The following DCDC2C variants were observed in gnomAD, a reference collection of about 807,000 sequenced individuals.
The protein encoded by DCDC2C is doublecortin domain-containing protein 2C.
In DCDC2C, 44 loss-of-function variants were observed where a neutral mutation model predicts 45.0. The observed-to-expected ratio is 0.98, with a 90% CI of 0.77 to 1.26. The LOEUF (loss-of-function observed/expected upper bound fraction) is 1.26, where lower values mean the gene tolerates loss of function less well. Ranked by LOEUF, DCDC2C falls within the 50% of genes most tolerant of loss-of-function variation. The probability of loss-of-function intolerance (pLI) is 0.00; values close to 1 mark genes in which losing one functional copy is unlikely to be tolerated. For synonymous variants in DCDC2C, 187 were observed against 178.8 expected (o/e 1.05, Z -0.37); for missense variants, 447 against 468.9 (o/e 0.95, Z 0.43).
Position 3,847,145 on chromosome 2 carries a change from G to A in DCDC2C, c.1066-9G>A, listed in dbSNP as rs1210596335. ...GTTCTCTGTTAACCTGCTTTTCTAT[G>A]TCTTCCAGATGGCCCGGGAGTGGAA... On this transcript the variant is annotated splice_polypyrimidine_tract_variant and intron_variant, in intron 10 of 10. Coordinates refer to ENST00000399143, the MANE Select transcript of DCDC2C (RefSeq NM_001287444.2). 8.1e-7 allele frequency: 1 copy of A among 1,231,310 alleles called. No homozygotes were observed. 76.3% of individuals were successfully genotyped at this position (1,231,310 alleles called of 1,614,324 possible).
chr2:3,804,405 A>T (rs574560879), intron 10 of DCDC2C, among the ~76,000 whole-genome samples: 16 of 152,210 alleles, frequency 1.1e-4, no homozygotes, highest in Admixed American at 2.0e-4. Flanking sequence ...TCCTGCTTTT[A>T]ATTTCCTAGT....
intron 2 of DCDC2C, chr2:3,726,044 G>T: frequency 6.5e-6 from 1 of 154,622 alleles, no homozygotes; most frequent in Non-Finnish European, 1.4e-5. Context: ...GATGTGGGGG[G>T]TGGGGGTGTG....
chr2:3,799,244 G>A (rs937091138), intron 10 of DCDC2C, among the ~76,000 whole-genome samples: 19 of 151,992 alleles, frequency 1.3e-4, no homozygotes, highest in African/African-American at 3.9e-4. Context: ...GCACTTCTCT[G>A]TATTGGTTAT....
chr2:3,784,036 AAAG>A (rs1234598769), intron 9 of DCDC2C, among the ~76,000 whole-genome samples: 2 of 152,260 alleles, frequency 1.3e-5, no homozygotes, highest in Non-Finnish European at 2.9e-5. Context: ...GGAAATTCAC[AAAG>A]AAGAATACAA....
chr2:3,806,361 C>T lies in DCDC2C; in HGVS notation c.1065+21261C>T, dbSNP rs568401592. Among the ~76,000 whole-genome samples, 4 of 152,324 alleles carry T rather than the reference C, an allele frequency of 2.6e-5. No individual in the cohort carries two copies. In the South Asian group the frequency reaches 6.2e-4, roughly 24 times the overall value. On this transcript the variant is annotated intron_variant, in intron 10 of 10. Coordinates refer to ENST00000399143, the MANE Select transcript of DCDC2C (RefSeq NM_001287444.2). ...TGTGCTTCTATCAGCTTCCCTCACC[C>T]GTTTCTGACAGGTGACTTCTGTTCT... is the stretch of plus-strand genomic sequence containing the variant.
rs1669223320 is a variant in DCDC2C at position 3,741,938 on chromosome 2, ATTAT to A, written c.441_444del (p.Ile148HisfsTer29). 3.2e-6 allele frequency: 5 copies of A among 1,548,336 alleles called. No individual in the cohort carries two copies. In the South Asian group the frequency reaches 3.6e-5, roughly 11 times the overall value. ...CTTACAGTGTTTTTACAAATGGAAG[ATTAT>A]TTATTCCACCTGCAAAAATCATTAT... On this transcript the variant is annotated frameshift_variant, in exon 4 of 11. Transcript: ENST00000399143. LOFTEE classifies it high-confidence loss of function.
At chr2:3,836,861 C>A (rs78617313) in intron 10 of DCDC2C, among the ~76,000 whole-genome samples, 507 of 136,274 alleles carry the variant, frequency 3.7e-3, no homozygotes, top group Non-Finnish European at 4.2e-3. Context: ...GACTCCGTCT[C>A]AAAAAAAAAA....
At position 3,725,368 on chromosome 2, in the gene DCDC2C, G is replaced by A. The variant is rs75553411; in HGVS notation, c.340-1635G>A. On this transcript the variant is annotated intron_variant, in intron 2 of 10. Transcript: ENST00000399143. The stretch of plus-strand genomic sequence containing the variant: ...GCACATGGACTGGCTGGGGACCAGG[G>A]TGGCTGAAGGAGCATAACATGGAGG... 3.4e-5 allele frequency among the ~76,000 whole-genome samples: 5 copies of A among 147,952 alleles called. No individual in the cohort carries two copies. The East Asian group carries it at 7.8e-4, about 23-fold the overall frequency.
chr2:3,843,053 G>T (rs1413707916), intron 10 of DCDC2C, among the ~76,000 whole-genome samples: 3 of 152,224 alleles, frequency 2.0e-5, no homozygotes, highest in African/African-American at 7.2e-5. Flanking sequence ...TATCCTGTAG[G>T]TAATGCTAAA....
At chr2:3,747,626 G>A (rs781054966) in intron 4 of DCDC2C, among the ~76,000 whole-genome samples, 3 of 152,244 alleles carry the variant, frequency 2.0e-5, no homozygotes, top group Admixed American at 1.3e-4. Flanking sequence ...CACTGGACAC[G>A]TTGGGTGTGG....
intron 1 of DCDC2C, among the ~76,000 whole-genome samples, chr2:3,706,173 A>T (rs1668060346): frequency 6.6e-6 from 1 of 152,208 alleles, no homozygotes; most frequent in Non-Finnish European, 1.5e-5. Context: ...AGTTCAATTA[A>T]TTTTCACTGG....
chr2:3,825,196 G>A (rs988700689), intron 10 of DCDC2C, among the ~76,000 whole-genome samples: 101 of 152,130 alleles, frequency 6.6e-4, no homozygotes, highest in African/African-American at 2.3e-3. Context: ...GAAGTCTGCA[G>A]AAAATACCCT....
chr2:3,709,530 A>G (rs1476432713), intron 2 of DCDC2C, among the ~76,000 whole-genome samples: 1 of 152,208 alleles, frequency 6.6e-6, no homozygotes, highest in Non-Finnish European at 1.5e-5. Flanking sequence ...GGGCAGTTAA[A>G]ATAAGTCAAA....
chr2:3,753,879 G>T (rs779226753), intron 5 of DCDC2C, among the ~76,000 whole-genome samples: 1 of 152,170 alleles, frequency 6.6e-6, no homozygotes, highest in African/African-American at 2.4e-5. Flanking sequence ...CAGGCAGATG[G>T]TTAGGTTAGA....
intron 4 of DCDC2C, among the ~76,000 whole-genome samples, chr2:3,751,198 G>T (rs1258761297): frequency 1.3e-5 from 2 of 152,236 alleles, no homozygotes; most frequent in Non-Finnish European, 2.9e-5. Flanking sequence ...CCCGGGAGCA[G>T]TTGCTTTGGG....
At chr2:3,753,410 G>A (rs926854399) in intron 5 of DCDC2C, among the ~76,000 whole-genome samples, 2 of 152,196 alleles carry the variant, frequency 1.3e-5, no homozygotes, top group African/African-American at 4.8e-5. Context: ...CAGGAGGGAG[G>A]TGAAGGGTGC....
chr2:3,703,851 G>C lies in DCDC2C; in HGVS notation c.100G>C (p.Val34Leu). 7.8e-7 allele frequency: 1 copy of C among 1,284,256 alleles called. No individual in the cohort carries two copies. Among genetic ancestry groups the C allele is most frequent in the Non-Finnish European group, 9.9e-7 (1 of 1,011,190 alleles). 79.6% of individuals were successfully genotyped at this position (1,284,256 alleles called of 1,614,324 possible). Reference sequence around the variant, plus strand: ...CCCGTTCTACGTGGGCAAGAAGTTCGTGCTGTCGCGGCGCCGCGCGGCCAC... The same window carrying C: ...CCCGTTCTACGTGGGCAAGAAGTTCCTGCTGTCGCGGCGCCGCGCGGCCAC... ...GDPFYVGKKF[V>L]LSRRRAATFE... The change falls in exon 1 of 11, where the codon GTG becomes CTG. Residue 34 changes from valine (V) to leucine (L), a missense_variant. Coordinates refer to ENST00000399143, the MANE Select transcript of DCDC2C (RefSeq NM_001287444.2). The surrounding 1 kb of genome is among the most constrained non-coding windows in gnomAD (Gnocchi z 4.4).
rs573390865 is a variant in DCDC2C at position 3,725,810 on chromosome 2, T to C, written c.340-1193T>C. ...CCGGAGGGAGATGAGTAGAGAGTGA[T>C]AAGGCTGCTCGGTGGATCCCAGAGG... On this transcript the variant is annotated intron_variant, in intron 2 of 10. Coordinates refer to ENST00000399143, the MANE Select transcript of DCDC2C (RefSeq NM_001287444.2). 2.5e-3 allele frequency: 375 copies of C among 147,226 alleles called. 6 individuals are homozygous for C. The highest frequency in any genetic ancestry group is 3.4e-3 in the Non-Finnish European group (250 of 72,876). The allele number at this position is 147,226 out of a possible 1,614,324, so 9.1% of individuals were successfully genotyped here. A position where few individuals can be genotyped will look rare whatever the true frequency, so the allele number is the denominator to read the frequency against.
chr2:3,827,612 T>C (rs1477570759), intron 10 of DCDC2C, among the ~76,000 whole-genome samples: 2 of 152,226 alleles, frequency 1.3e-5, no homozygotes, highest in Admixed American at 1.3e-4. Context: ...TGGGGAAATA[T>C]ACTTTCCATT....
Sources: gnomAD v4.1 joint callset for allele counts (sites outside exome capture counted in the v4.1 genomes callset) on GRCh38, gnomAD v4.1.1 for gene constraint, Gnocchi (gnomAD v3.1) non-coding constraint, MANE v1.5 for transcripts, NCBI Gene and HGNC (gene_info 2026-07-23, HGNC 2026-07-21) for gene names.